SEZ6L: variants seen among roughly 807,000 people sequenced by gnomAD.
SEZ6L encodes seizure 6-like protein.
Under a neutral mutation model 106.2 loss-of-function variants are expected in SEZ6L, and 37 were observed. The ratio of observed to expected loss-of-function variants is 0.35; its 90% CI spans 0.27 to 0.46. The LOEUF (loss-of-function observed/expected upper bound fraction) is 0.46, where lower values mean the gene tolerates loss of function less well. Ranked by LOEUF, SEZ6L falls within the 20% of genes least tolerant of loss-of-function variation. The pLI is 1.00. For synonymous variants in SEZ6L, 541 were observed against 570.4 expected (o/e 0.95, Z 0.73); for missense variants, 1,172 against 1,332.8 (o/e 0.88, Z 1.88).
At chr22:26,279,321 G>T (rs2080679539) in intron 1 of SEZ6L, among the ~76,000 whole-genome samples, 1 of 152,148 alleles carries the variant, frequency 6.6e-6, no homozygotes, top group Admixed American at 6.5e-5. Flanking sequence ...TGATGGGTTT[G>T]CTTCCAGCCT....
At chr22:26,221,740 G>GCGCACACA (rs34300917) in intron 1 of SEZ6L, among the ~76,000 whole-genome samples, 4 of 149,300 alleles carry the variant, frequency 2.7e-5, no homozygotes, top group Admixed American at 1.3e-4. Context: ...GCACACGCGT[G>GCGCACACA]CACACACACA....
intron 1 of SEZ6L, among the ~76,000 whole-genome samples, chr22:26,267,423 C>A (rs953431105): frequency 2.0e-5 from 3 of 152,074 alleles, no homozygotes; most frequent in Non-Finnish European, 2.9e-5. Context: ...TAACCAAGGA[C>A]CTTTTTGTAG....
rs890597573 is a variant in SEZ6L at position 26,255,738 on chromosome 22, C to T, written c.95-36668C>T. Among the ~76,000 whole-genome samples, 54 of 152,204 alleles carry T rather than the reference C, an allele frequency of 3.5e-4. 2 individuals carry two copies. Among genetic ancestry groups the T allele is most frequent in the Admixed American group, 3.5e-3 (54 of 15,274 alleles). On this transcript the variant is annotated intron_variant, in intron 1 of 16. Coordinates refer to ENST00000248933, the MANE Select transcript of SEZ6L (RefSeq NM_021115.5). ...CATCCCCAGAGGCAGGAGAGGGTAA[C>T]GCGCAGCAGTTGTCTATCTGACCTC...
chr22:26,275,841 G>A (rs1299683466), intron 1 of SEZ6L, among the ~76,000 whole-genome samples: 4 of 152,172 alleles, frequency 2.6e-5, no homozygotes, highest in Admixed American at 1.3e-4. Flanking sequence ...ACCCTGAGGA[G>A]TCACTGGGGA....
chr22:26,292,898 C>T lies in SEZ6L; in HGVS notation c.587C>T (p.Thr196Ile). 1 of 1,614,178 alleles carries T rather than the reference C, an allele frequency of 6.2e-7. No homozygotes were observed. Residue 196 changes from threonine (T) to isoleucine (I), a missense_variant, in exon 2 of 17, where the codon ACA (threonine) becomes ATA (isoleucine). Physicochemically the swap from Thr to Ile is moderately conservative, Grantham distance 89. Coordinates refer to ENST00000248933, the MANE Select transcript of SEZ6L (RefSeq NM_021115.5). ...CGAAAGGAGAGTGCGGTCCCTACAA[C>T]ACCCGCACCCCTGCAAATCTCCCCC... is the stretch of plus-strand genomic sequence containing the variant. ...LDRKESAVPTTPAPLQISPFT... is the reference protein window; with the variant it reads ...LDRKESAVPTIPAPLQISPFT...
At position 26,377,601 on chromosome 22, in the gene SEZ6L, T is replaced by G. The variant is rs564184367; in HGVS notation, c.2943-72T>G. 32 of 1,263,792 alleles carry G rather than the reference T, an allele frequency of 2.5e-5. No homozygotes were observed. The East Asian group carries it at 6.8e-4, about 27-fold the overall frequency. The allele number at this position is 1,263,792 out of a possible 1,614,324, so 78.3% of individuals were successfully genotyped here. On this transcript the variant is annotated intron_variant, in intron 15 of 16. Transcript: ENST00000248933. ...CCGCTGCTCAGGAAGTGGCACCAAC[T>G]GTTCCCGTTCAATATTGTAATGTTT... is the stretch of plus-strand genomic sequence containing the variant.
At chr22:26,242,595 G>A (rs2079174541) in intron 1 of SEZ6L, among the ~76,000 whole-genome samples, 1 of 152,180 alleles carries the variant, frequency 6.6e-6, no homozygotes, top group African/African-American at 2.4e-5. Context: ...TAAAAGCAAT[G>A]TAAAAAAGAA....
At chr22:26,304,424 G>GAAAGAA in intron 5 of SEZ6L, among the ~76,000 whole-genome samples, 1 of 143,770 alleles carries the variant, frequency 7.0e-6, no homozygotes, top group Non-Finnish European at 1.5e-5. Flanking sequence ...AAGAAAGAAA[G>GAAAGAA]AAAGAAAAAG....
Position 26,310,745 on chromosome 22 carries a change from T to C in SEZ6L, c.1590T>C (p.Phe530=), listed in dbSNP as rs753979191. Residue 530 remains phenylalanine (F), a synonymous_variant, in exon 7 of 17, where the codon TTT becomes TTC. Coordinates refer to ENST00000248933, the MANE Select transcript of SEZ6L (RefSeq NM_021115.5). The part of the protein sequence containing the change: ...YDSLQTESVP[F]EGLLSEGNTI... The stretch of plus-strand genomic sequence containing the variant: ...CCCTTCAAACCGAGAGTGTCCCTTT[T>C]GAGGGCCTGCTGAGCGAAGGCAACA... 6.2e-7 allele frequency: 1 copy of C among 1,613,930 alleles called. No homozygotes were observed. Among genetic ancestry groups the C allele is most frequent in the South Asian group, 1.1e-5 (1 of 91,062 alleles).
Position 26,292,831 on chromosome 22 carries a change from G to C in SEZ6L, c.520G>C (p.Val174Leu). Residue 174 changes from valine (V) to leucine (L), a missense_variant, in exon 2 of 17, where the codon GTG becomes CTG. Transcript: ENST00000248933. ...CCCACCGGGGGACCCGGACCCCATC[G>C]TGGCCTCCGAGGAGGCATCAGAAGT... ...PGPPGDPDPIVASEEASEVPL... is the reference protein window; with the variant it reads ...PGPPGDPDPILASEEASEVPL... 6.2e-7 allele frequency: 1 copy of C among 1,614,028 alleles called. No homozygotes were observed. The highest frequency in any genetic ancestry group is 8.5e-7 in the Non-Finnish European group (1 of 1,179,920).
At chr22:26,319,494 C>G (rs2145940310) in intron 9 of SEZ6L, among the ~76,000 whole-genome samples, 1 of 152,338 alleles carries the variant, frequency 6.6e-6, no homozygotes, top group African/African-American at 2.4e-5. Flanking sequence ...TTCCTCTCTT[C>G]TCCTTTCTGT....
chr22:26,202,262 C>A (rs1403930565), intron 1 of SEZ6L, among the ~76,000 whole-genome samples: 1 of 152,140 alleles, frequency 6.6e-6, no homozygotes, highest in Non-Finnish European at 1.5e-5. Flanking sequence ...TCTGCACATA[C>A]ATTCCTTTAA....
At chr22:26,300,619 G>A (rs1317219618) in intron 5 of SEZ6L, among the ~76,000 whole-genome samples, 1 of 152,154 alleles carries the variant, frequency 6.6e-6, no homozygotes, top group African/African-American at 2.4e-5. Context: ...AAACATACGT[G>A]TGCATGTGTC....
At chr22:26,256,964 G>A (rs713745) in intron 1 of SEZ6L, among the ~76,000 whole-genome samples, 37,379 of 152,056 alleles carry the variant, frequency 0.25, 5,231 homozygotes, top group East Asian at 0.32. Flanking sequence ...TCCTGAGCAT[G>A]ATCATCAGAG....
intron 1 of SEZ6L, among the ~76,000 whole-genome samples, chr22:26,272,614 C>T (rs969172688): frequency 1.3e-5 from 2 of 152,176 alleles, no homozygotes; most frequent in African/African-American, 4.8e-5. Flanking sequence ...AAAGCAGGGA[C>T]TCTGGAGTAT....
At chr22:26,238,220 T>G (rs2079009181) in intron 1 of SEZ6L, among the ~76,000 whole-genome samples, 2 of 152,188 alleles carry the variant, frequency 1.3e-5, no homozygotes, top group South Asian at 4.1e-4. Flanking sequence ...ATGAAAAGGT[T>G]GTGTCCTAGA....
At chr22:26,222,719 T>G (rs1279136676) in intron 1 of SEZ6L, among the ~76,000 whole-genome samples, 2 of 152,230 alleles carry the variant, frequency 1.3e-5, no homozygotes, top group African/African-American at 4.8e-5. Context: ...AAAATGGGTT[T>G]ACATAAAAAA....
At position 26,299,112 on chromosome 22, in the gene SEZ6L, C is replaced by A; in HGVS notation, c.1291C>A (p.Leu431Met). 2.5e-6 allele frequency: 4 copies of A among 1,602,294 alleles called. No individual in the cohort carries two copies. Among genetic ancestry groups the A allele is most frequent in the Non-Finnish European group, 3.4e-6 (4 of 1,174,544 alleles). Residue 431 changes from leucine to methionine, a missense_variant, in exon 5 of 17, where the codon CTG (leucine) becomes ATG (methionine). Leu to Met is a conservative substitution (Grantham distance 15, BLOSUM62 2). This residue lies in a region of SEZ6L where 534 missense variants were observed against 691.0 expected (regional missense o/e 0.77). Transcript: ENST00000248933. Reference sequence around the variant, plus strand: ...CTATGAGCTCCAGGGCGCTAAGATGCTGACATGCATCAATGCCTCCAAGCC... The same window carrying A: ...CTATGAGCTCCAGGGCGCTAAGATGATGACATGCATCAATGCCTCCAAGCC... ...LGYELQGAKM[L>M]TCINASKPHW...
chr22:26,186,105 C>T (rs1939762077), intron 1 of SEZ6L, among the ~76,000 whole-genome samples: 1 of 152,050 alleles, frequency 6.6e-6, no homozygotes, highest in South Asian at 2.1e-4. Flanking sequence ...GCCTCCCTGA[C>T]ATGAATTATT....
Sources: gnomAD v4.1 joint callset for allele counts (sites outside exome capture counted in the v4.1 genomes callset) on GRCh38, gnomAD v4.1.1 for gene constraint, gnomAD v4.1.1 regional missense constraint, MANE v1.5 for transcripts, NCBI Gene and HGNC (gene_info 2026-07-23, HGNC 2026-07-21) for gene names.